The following ARHGAP15 variants were observed in gnomAD, a reference collection of about 807,000 sequenced individuals.
The protein encoded by ARHGAP15 is rho GTPase-activating protein 15.
A neutral mutation model predicts 63.7 loss-of-function variants in ARHGAP15; 51 were observed. That is an observed-to-expected ratio of 0.80 (90% CI 0.64 to 1.01). The LOEUF (loss-of-function observed/expected upper bound fraction) is 1.01. Ranked by LOEUF, ARHGAP15 falls within the 50% of genes least tolerant of loss-of-function variation. The pLI is 0.00. For missense variants in ARHGAP15, 560 were observed against 564.6 expected (o/e 0.99, Z 0.08); for synonymous variants, 191 against 193.8 (o/e 0.99, Z 0.12).
intron 12 of ARHGAP15, among the ~76,000 whole-genome samples, chr2:143,680,376 G>C (rs1238378483): frequency 2.6e-5 from 4 of 152,174 alleles, no homozygotes; most frequent in Non-Finnish European, 5.9e-5. Context: ...ATTCCAGCTT[G>C]GTATTTCCAT....
intron 3 of ARHGAP15, among the ~76,000 whole-genome samples, chr2:143,207,288 A>G (rs902880688): frequency 1.3e-5 from 2 of 152,074 alleles, no homozygotes; most frequent in African/African-American, 4.8e-5. Flanking sequence ...GTAATAGATA[A>G]TAGATCTATT....
chr2:143,289,856 A>C (rs1411145681), intron 6 of ARHGAP15, among the ~76,000 whole-genome samples: 1 of 152,198 alleles, frequency 6.6e-6, no homozygotes, highest in Non-Finnish European at 1.5e-5. Context: ...AAAGCTGCTA[A>C]ATTTTACTGG....
intron 1 of ARHGAP15, among the ~76,000 whole-genome samples, chr2:143,135,714 A>G (rs187135): frequency 0.98 from 149,945 of 152,230 alleles, 73,886 homozygotes; most frequent in Middle Eastern, 1. Context: ...TGACTTCTGG[A>G]ATACTTTTTT....
At chr2:143,310,271 A>T (rs1293589878) in intron 6 of ARHGAP15, among the ~76,000 whole-genome samples, 4 of 152,110 alleles carry the variant, frequency 2.6e-5, no homozygotes, top group Admixed American at 2.6e-4. Context: ...AGTTTGTTTC[A>T]TCAATAAAAG....
At chr2:143,191,483 G>A (rs1274811801) in intron 2 of ARHGAP15, among the ~76,000 whole-genome samples, 1 of 152,170 alleles carries the variant, frequency 6.6e-6, no homozygotes, top group Non-Finnish European at 1.5e-5. Flanking sequence ...TTCCAATATA[G>A]TGTTATACAC....
At chr2:143,289,427 A>G (rs1165055227) in intron 6 of ARHGAP15, among the ~76,000 whole-genome samples, 1 of 152,236 alleles carries the variant, frequency 6.6e-6, no homozygotes, top group African/African-American at 2.4e-5. Context: ...TAAAAGGTTT[A>G]GGAGTTTGAT....
At chr2:143,355,796 A>T (rs939270580) in intron 6 of ARHGAP15, among the ~76,000 whole-genome samples, 6 of 152,200 alleles carry the variant, frequency 3.9e-5, no homozygotes. Context: ...TAAAAATTAT[A>T]TCTGCACCTG....
At chr2:143,591,043 T>G (rs1051960773) in intron 11 of ARHGAP15, among the ~76,000 whole-genome samples, 8 of 152,264 alleles carry the variant, frequency 5.3e-5, no homozygotes, top group African/African-American at 1.9e-4. Flanking sequence ...CAGGAGTTAT[T>G]TCTTCATAAA....
intron 2 of ARHGAP15, among the ~76,000 whole-genome samples, chr2:143,192,276 T>C (rs896745381): frequency 3.3e-5 from 5 of 152,212 alleles, no homozygotes; most frequent in African/African-American, 1.2e-4. Flanking sequence ...GTTGGCACTG[T>C]ATAAAGACTA....
Position 143,466,592 on chromosome 2 carries a change from C to A in ARHGAP15, c.704-20781C>A, listed in dbSNP as rs1414482614. ...TACTCATAAATCAAGCATATTCAGG[C>A]AAAAAGCAGGTAATTGAGAGGAGCT... On this transcript the variant is annotated intron_variant, in intron 8 of 13. Transcript: ENST00000295095. Among the ~76,000 whole-genome samples, 6 of 151,974 alleles carry A rather than the reference C, an allele frequency of 3.9e-5. No homozygotes were observed. The East Asian group carries it at 1.2e-3, about 29-fold the overall frequency.
At chr2:143,345,979 G>C (rs1290245612) in intron 6 of ARHGAP15, among the ~76,000 whole-genome samples, 1 of 151,880 alleles carries the variant, frequency 6.6e-6, no homozygotes, top group Non-Finnish European at 1.5e-5. Context: ...TCAAACTGTT[G>C]CCTAATTCTT....
intron 6 of ARHGAP15, among the ~76,000 whole-genome samples, chr2:143,312,849 C>T (rs1291061728): frequency 6.6e-6 from 1 of 152,070 alleles, no homozygotes; most frequent in Non-Finnish European, 1.5e-5. Flanking sequence ...TTAATATCAA[C>T]TATATACAAA....
intron 6 of ARHGAP15, among the ~76,000 whole-genome samples, chr2:143,369,005 C>T (rs1361249587): frequency 6.6e-6 from 1 of 152,018 alleles, no homozygotes; most frequent in African/African-American, 2.4e-5. Context: ...TTCTTTATTG[C>T]ATAAATGAAT....
At chr2:143,451,429 G>A (rs1690403107) in intron 8 of ARHGAP15, among the ~76,000 whole-genome samples, 1 of 151,560 alleles carries the variant, frequency 6.6e-6, no homozygotes, top group South Asian at 2.1e-4. Context: ...CCACTGAAAA[G>A]GTAAATTTAA....
chr2:143,492,918 C>T (rs13428598), intron 9 of ARHGAP15, among the ~76,000 whole-genome samples: 41,645 of 151,812 alleles, frequency 0.27, 6,975 homozygotes, highest in Non-Finnish European at 0.38. Context: ...ATTAGCCAGC[C>T]GTGGTGGCGG....
At chr2:143,174,533 C>T (rs570724568) in intron 2 of ARHGAP15, among the ~76,000 whole-genome samples, 1 of 152,152 alleles carries the variant, frequency 6.6e-6, no homozygotes, top group South Asian at 2.1e-4. Flanking sequence ...TATGCTTAGC[C>T]CTACCTATTC....
chr2:143,255,132 T>C (rs1316563402), intron 6 of ARHGAP15, among the ~76,000 whole-genome samples: 1 of 152,168 alleles, frequency 6.6e-6, no homozygotes, highest in Non-Finnish European at 1.5e-5. Context: ...TGGGCTCTTC[T>C]ATAGATTTCA....
At chr2:143,246,174 T>A (rs1302143933) in intron 5 of ARHGAP15, among the ~76,000 whole-genome samples, 2 of 151,994 alleles carry the variant, frequency 1.3e-5, no homozygotes, top group Non-Finnish European at 2.9e-5. Context: ...CATGACCTTA[T>A]GTCAAGCACT....
At position 143,552,938 on chromosome 2, in the gene ARHGAP15, TACG is replaced by T. The variant is rs559378826; in HGVS notation, c.926-3466_926-3464del. Among the ~76,000 whole-genome samples, 14 of 152,288 alleles carry T rather than the reference TACG, an allele frequency of 9.2e-5. No individual in the cohort carries two copies. In the South Asian group the frequency reaches 2.9e-3, roughly 32 times the overall value. ...GAAGACGTTGGTCATTTAAAAATCA[TACG>T]ACGTCTAATTATATTTCCAAAATAA... On this transcript the variant is annotated intron_variant, in intron 10 of 13. Transcript: ENST00000295095.
Sources: allele counts gnomAD v4.1 joint callset (sites outside exome capture counted in the v4.1 genomes callset), GRCh38; gene constraint gnomAD v4.1.1; transcripts MANE v1.5; gene names NCBI Gene and HGNC (gene_info 2026-07-23, HGNC 2026-07-21).